Variants in DPP10 observed in about 807,000 individuals in gnomAD.
DPP10 encodes inactive dipeptidyl peptidase 10.
A neutral mutation model predicts 120.9 loss-of-function variants in DPP10; 33 were observed. The observed-to-expected ratio is 0.27, with a 90% confidence interval of 0.21 to 0.37. DPP10 has a LOEUF of 0.37. DPP10 is among the 10% of genes least tolerant of loss of function. The pLI is 1.00. For missense variants in DPP10, 816 were observed against 942.8 expected (o/e 0.87, Z 1.76); for synonymous variants, 337 against 326.1 (o/e 1.03, Z -0.36).
At chr2:115,313,246 A>G (rs576475254) in intron 2 of DPP10, among the ~76,000 whole-genome samples, 106 of 152,272 alleles carry the variant, frequency 7.0e-4, no homozygotes, top group Middle Eastern at 6.8e-3. Flanking sequence ...AGTGGCAGTC[A>G]TAAATTCATA....
intron 3 of DPP10, among the ~76,000 whole-genome samples, chr2:115,490,732 A>G (rs1180710165): frequency 2.0e-5 from 3 of 152,240 alleles, no homozygotes; most frequent in African/African-American, 2.4e-5. Context: ...TAATATTGTA[A>G]CATTATGAAA....
intron 15 of DPP10, among the ~76,000 whole-genome samples, chr2:115,778,200 G>A (rs912215767): frequency 2.0e-5 from 3 of 152,010 alleles, no homozygotes; most frequent in African/African-American, 7.3e-5. Context: ...GCATTAATGT[G>A]GCACAGGTGA....
chr2:114,445,537 T>C (rs1219336282), intron 1 of DPP10, among the ~76,000 whole-genome samples: 2 of 16,708 alleles, frequency 1.2e-4, no homozygotes, highest in Non-Finnish European at 2.8e-4. Flanking sequence ...AACAGCTCTG[T>C]GTGTGTGTGT....
intron 21 of DPP10, among the ~76,000 whole-genome samples, chr2:115,824,698 C>T (rs1688141928): frequency 6.6e-6 from 1 of 151,758 alleles, no homozygotes; most frequent in Admixed American, 6.6e-5. Context: ...GTATATGCTA[C>T]ATTTTCGTTA....
chr2:115,705,615 G>A (rs1177728112), intron 7 of DPP10, among the ~76,000 whole-genome samples: 1 of 151,868 alleles, frequency 6.6e-6, no homozygotes, highest in Non-Finnish European at 1.5e-5. Context: ...AAACCACTAG[G>A]GAGTGAAGCC....
intron 1 of DPP10, among the ~76,000 whole-genome samples, chr2:115,286,977 A>G (rs568048009): frequency 4.6e-5 from 7 of 152,186 alleles, no homozygotes; most frequent in South Asian, 2.1e-4. Context: ...AAGCTGGCCA[A>G]ATATTCAAGA....
At chr2:115,597,946 C>T (rs562239249) in intron 5 of DPP10, among the ~76,000 whole-genome samples, 1,883 of 152,134 alleles carry the variant, frequency 0.012, 30 homozygotes, top group African/African-American at 0.044. Flanking sequence ...TTCTAAACTT[C>T]AGTTATTAGG....
chr2:115,695,083 T>C (rs914071458), intron 7 of DPP10, among the ~76,000 whole-genome samples: 1 of 152,170 alleles, frequency 6.6e-6, no homozygotes, highest in Non-Finnish European at 1.5e-5. Flanking sequence ...CCTTTCCTAC[T>C]CTTCATTTTT....
chr2:115,503,357 G>T (rs766949709), intron 4 of DPP10, among the ~76,000 whole-genome samples: 1 of 152,004 alleles, frequency 6.6e-6, no homozygotes, highest in Non-Finnish European at 1.5e-5. Context: ...TGTGCTGTTG[G>T]GTATATGGAG....
At chr2:115,529,100 C>T (rs2078305056) in intron 5 of DPP10, among the ~76,000 whole-genome samples, 1 of 151,310 alleles carries the variant, frequency 6.6e-6, no homozygotes, top group African/African-American at 2.4e-5. Context: ...ATAATTATGT[C>T]AAAATAAAAG....
At chr2:115,344,016 A>G (rs1193433558) in intron 3 of DPP10, 104 bp downstream of exon 3, 2 of 849,056 alleles carry the variant, frequency 2.4e-6, no homozygotes, top group African/African-American at 1.8e-5. Flanking sequence ...TATGCCTGTC[A>G]TCCCAGCACC....
chr2:115,794,655 G>A (rs1485477891), intron 19 of DPP10, among the ~76,000 whole-genome samples: 1 of 152,006 alleles, frequency 6.6e-6, no homozygotes, highest in Admixed American at 6.6e-5. Context: ...TCTCTACGGA[G>A]TCATGATCCC....
intron 1 of DPP10, among the ~76,000 whole-genome samples, chr2:115,295,765 A>C (rs1184367597): frequency 6.6e-6 from 1 of 151,976 alleles, no homozygotes; most frequent in Non-Finnish European, 1.5e-5. Context: ...CTGCCTCTTT[A>C]TGATATTAGA....
chr2:114,887,842 G>C (rs1692196064), intron 1 of DPP10, among the ~76,000 whole-genome samples: 1 of 152,154 alleles, frequency 6.6e-6, no homozygotes, highest in South Asian at 2.1e-4. Flanking sequence ...CTCTCATCTA[G>C]AAAATGAGTA....
In DPP10 at chr2:114,976,118, A is replaced by C. The variant is rs181904632; in HGVS notation, c.61-333121A>C. Among the ~76,000 whole-genome samples the C allele has an allele frequency of 1.5e-3, 236 of 152,348 alleles. 1 individual carries two copies. The highest frequency in any genetic ancestry group is 5.5e-3 in the African/African-American group (229 of 41,582). On this transcript the variant is annotated intron_variant, in intron 1 of 25. Coordinates refer to ENST00000410059, the MANE Select transcript of DPP10 (RefSeq NM_020868.6). Reference sequence around the variant, plus strand: ...TATATGAATTTTTTAAATGCTCAACAATGTTTACAAATTAAAAATCATTAA... The same window carrying C: ...TATATGAATTTTTTAAATGCTCAACCATGTTTACAAATTAAAAATCATTAA...
chr2:115,787,820 G>T (rs1164079161), intron 17 of DPP10, among the ~76,000 whole-genome samples: 1 of 152,024 alleles, frequency 6.6e-6, no homozygotes, highest in Admixed American at 6.6e-5. Flanking sequence ...TAAATAATCA[G>T]AAATTAAAAG....
intron 3 of DPP10, among the ~76,000 whole-genome samples, chr2:115,403,518 G>C (rs1411053915): frequency 2.0e-5 from 3 of 149,392 alleles, no homozygotes; most frequent in Admixed American, 6.8e-5. Flanking sequence ...TCCTGCCTCA[G>C]CCTCCAGAGT....
intron 1 of DPP10, among the ~76,000 whole-genome samples, chr2:115,300,827 G>A (rs957587591): frequency 6.6e-6 from 1 of 151,934 alleles, no homozygotes; most frequent in African/African-American, 2.4e-5. Context: ...CTGAAGCCTT[G>A]TTTCTTTAAG....
chr2:115,280,922 A>G (rs2060132409), intron 1 of DPP10, among the ~76,000 whole-genome samples: 1 of 152,222 alleles, frequency 6.6e-6, no homozygotes, highest in South Asian at 2.1e-4. Context: ...CACAAAAGCT[A>G]TCATTGAAAT....
Sources: gnomAD v4.1 joint callset for allele counts (sites outside exome capture counted in the v4.1 genomes callset) on GRCh38, gnomAD v4.1.1 for gene constraint, MANE v1.5 for transcripts, NCBI Gene and HGNC (gene_info 2026-07-23, HGNC 2026-07-21) for gene names.